Variants in ARHGEF3 observed in about 807,000 individuals in gnomAD.
The protein encoded by ARHGEF3 is Rho guanine nucleotide exchange factor 3.
Under a neutral mutation model 63.2 loss-of-function variants are expected in ARHGEF3, and 28 were observed. The observed-to-expected ratio is 0.44, with a 90% confidence interval of 0.33 to 0.61. The LOEUF (loss-of-function observed/expected upper bound fraction) is 0.61, where lower values mean the gene tolerates loss of function less well. Ranked by LOEUF, ARHGEF3 falls within the 20% of genes least tolerant of loss-of-function variation. The pLI, the probability that ARHGEF3 is intolerant of heterozygous loss-of-function variation, is 0.03. For missense variants in ARHGEF3, 533 were observed against 659.3 expected, an observed-to-expected ratio of 0.81 and a Z score of 2.10; for synonymous variants, 266 against 254.2, an observed-to-expected ratio of 1.05 and a Z score of -0.44.
chr3:57,002,973 C>T lies in ARHGEF3; in HGVS notation c.62+32115G>A, dbSNP rs985492082. Among the ~76,000 whole-genome samples, 3 of 151,356 alleles carry T rather than the reference C, an allele frequency of 2.0e-5. No homozygotes were observed. In the East Asian group the frequency reaches 6.0e-4, roughly 30 times the overall value. On this transcript the variant is annotated intron_variant, in intron 2 of 12. Coordinates refer to the ARHGEF3 transcript ENST00000338458. ...TATTTTAGTAGAGACGGGGTTTCATCATGTTGGCCAGGCTCCGTCTCCTGA... is the reference window on the plus strand; with the variant it reads ...TATTTTAGTAGAGACGGGGTTTCATTATGTTGGCCAGGCTCCGTCTCCTGA...
chr3:56,801,292 C>G (rs964280066), intron 1 of ARHGEF3, among the ~76,000 whole-genome samples: 2 of 152,188 alleles, frequency 1.3e-5, no homozygotes, highest in Non-Finnish European at 2.9e-5. Flanking sequence ...AAAAAACTCG[C>G]TTAAAGGGTA....
At chr3:57,045,378 T>C (rs1238351150) in intron 1 of ARHGEF3, among the ~76,000 whole-genome samples, 1 of 152,232 alleles carries the variant, frequency 6.6e-6, no homozygotes, top group Non-Finnish European at 1.5e-5. Context: ...ACAGAGAGCA[T>C]GCTTATGGAT....
intron 9 of ARHGEF3, 72 bp from the exon 10 acceptor site, chr3:56,729,694 A>AGT (rs2032982796): frequency 7.9e-7 from 1 of 1,265,844 alleles, no homozygotes; most frequent in African/African-American, 1.5e-5. Context: ...GAACACACGT[A>AGT]GTGACACTAA....
At chr3:57,061,892 A>G (rs1399845005) in intron 1 of ARHGEF3, among the ~76,000 whole-genome samples, 1 of 152,246 alleles carries the variant, frequency 6.6e-6, no homozygotes, top group African/African-American at 2.4e-5. Context: ...TGGCAGCATC[A>G]GTATCTGAGC....
intron 4 of ARHGEF3, among the ~76,000 whole-genome samples, chr3:56,877,907 T>C (rs2040643317): frequency 6.6e-6 from 1 of 152,176 alleles, no homozygotes. Flanking sequence ...ACCATTTGTA[T>C]GTCTGAAATA....
chr3:56,958,932 T>G (rs564832107), intron 2 of ARHGEF3: 1 of 1,518,144 alleles, frequency 6.6e-7, no homozygotes, highest in Non-Finnish European at 9.0e-7. Context: ...AGTGGTTGGA[T>G]ATTCAGAGGA....
At chr3:56,825,950 C>T (rs999560524) in intron 4 of ARHGEF3, among the ~76,000 whole-genome samples, 4 of 152,146 alleles carry the variant, frequency 2.6e-5, no homozygotes, top group Non-Finnish European at 5.9e-5. Context: ...AATCAGCAAC[C>T]CTTCCTTCTA....
At chr3:56,857,376 T>C (rs1412229714) in intron 4 of ARHGEF3, among the ~76,000 whole-genome samples, 1 of 152,158 alleles carries the variant, frequency 6.6e-6, no homozygotes, top group Admixed American at 6.5e-5. Context: ...GGGACAAGCA[T>C]GTGACCTAAT....
chr3:57,043,057 G>T (rs1004581042), intron 1 of ARHGEF3, among the ~76,000 whole-genome samples: 12 of 151,648 alleles, frequency 7.9e-5, no homozygotes, highest in Non-Finnish European at 1.5e-4. Flanking sequence ...AAGTGGCTGT[G>T]TCTGAAGTGG....
At chr3:57,037,962 C>T (rs928256313) in intron 1 of ARHGEF3, among the ~76,000 whole-genome samples, 19 of 152,356 alleles carry the variant, frequency 1.2e-4, no homozygotes, top group African/African-American at 4.6e-4. Flanking sequence ...GATCTCTGTG[C>T]TCTAGCACTG....
At chr3:56,778,265 A>G (rs1462700149) in intron 1 of ARHGEF3, among the ~76,000 whole-genome samples, 1 of 152,232 alleles carries the variant, frequency 6.6e-6, no homozygotes, top group African/African-American at 2.4e-5. Context: ...TATTTTAAAG[A>G]TGGAGAAACT....
chr3:56,877,677 T>A lies in ARHGEF3; in HGVS notation c.192+4615A>T, dbSNP rs115234056. ...CCCACTATGCCTGCCCGATCTCAAT[T>A]TTTAAAAACTGTGTATGCTTATATA... On this transcript the variant is annotated intron_variant, in intron 4 of 12. Coordinates refer to the ARHGEF3 transcript ENST00000338458. Among the ~76,000 whole-genome samples the A allele has an allele frequency of 2.8e-3, 429 of 152,282 alleles. 2 individuals carry two copies. The highest frequency in any genetic ancestry group is 9.9e-3 in the African/African-American group (413 of 41,562).
At chr3:56,977,168 C>G (rs1271755529) in intron 2 of ARHGEF3, 1 of 446,856 alleles carries the variant, frequency 2.2e-6, no homozygotes, top group Non-Finnish European at 4.5e-6. Flanking sequence ...AGGATCCTGC[C>G]CCAGAGCTCC....
At chr3:56,801,952 G>A, upstream of ARHGEF3, 2 of 1,529,682 alleles carry the variant, frequency 1.3e-6, no homozygotes, top group Non-Finnish European at 1.8e-6. Context: ...ACTCGACTGG[G>A]CTCCGGAGCC....
In ARHGEF3 at chr3:57,023,760, T is replaced by C. The variant is rs1319984624; in HGVS notation, c.62+11328A>G. 3.3e-5 allele frequency among the ~76,000 whole-genome samples: 5 copies of C among 152,180 alleles called. No homozygotes were observed. In the East Asian group the frequency reaches 9.6e-4, roughly 29 times the overall value. ...TACCTGGCTATCCCTCACAGATGCTTCCATTTTCTGTCTGCTACTTCCCAC... is the reference window on the plus strand; with the variant it reads ...TACCTGGCTATCCCTCACAGATGCTCCCATTTTCTGTCTGCTACTTCCCAC... On this transcript the variant is annotated intron_variant, in intron 2 of 12. Coordinates refer to the ARHGEF3 transcript ENST00000338458.
intron 3 of ARHGEF3, among the ~76,000 whole-genome samples, chr3:56,934,173 T>C (rs2042487750): frequency 6.6e-6 from 1 of 152,232 alleles, no homozygotes. Context: ...TCACATTCCC[T>C]TCCCAGGATA....
intron 1 of ARHGEF3, among the ~76,000 whole-genome samples, chr3:57,040,735 T>C (rs984281984): frequency 4.6e-5 from 7 of 152,150 alleles, no homozygotes; most frequent in Non-Finnish European, 8.8e-5. Context: ...TGGCTCTGCC[T>C]GCTTCATCCC....
Position 56,787,028 on chromosome 3 carries a change from G to C in ARHGEF3, c.97-13212C>G, listed in dbSNP as rs2107900084. On this transcript the variant is annotated intron_variant, in intron 1 of 9. Coordinates refer to ENST00000296315, the MANE Select transcript of ARHGEF3 (RefSeq NM_019555.3). ...AAATGGTATTTATTCCTGAGGCAAAGGATGCCTGCAGCAGAGAGCAGCAAG... is the reference window on the plus strand; with the variant it reads ...AAATGGTATTTATTCCTGAGGCAAACGATGCCTGCAGCAGAGAGCAGCAAG... Among the ~76,000 whole-genome samples the C allele has an allele frequency of 1.3e-5, 2 of 152,306 alleles. 1 individual carries two copies. Among genetic ancestry groups the C allele is most frequent in the South Asian group, 4.1e-4 (2 of 4,828 alleles).
chr3:56,809,384 G>A (rs73833732), intron 4 of ARHGEF3, among the ~76,000 whole-genome samples: 11,174 of 152,176 alleles, frequency 0.073, 820 homozygotes, highest in East Asian at 0.24. Context: ...GACAACCTTT[G>A]CCACTATATT....
Sources: allele counts gnomAD v4.1 joint callset (sites outside exome capture counted in the v4.1 genomes callset), GRCh38; gene constraint gnomAD v4.1.1; transcripts MANE v1.5; gene names NCBI Gene and HGNC (gene_info 2026-07-23, HGNC 2026-07-21).